The following CTNNAL1 variants were observed in gnomAD, a reference collection of about 807,000 sequenced individuals.
CTNNAL1 encodes alpha-catulin.
A neutral mutation model predicts 93.6 loss-of-function variants in CTNNAL1; 69 were observed. The observed-to-expected ratio is 0.74, with a 90% CI of 0.61 to 0.90. The LOEUF (loss-of-function observed/expected upper bound fraction) is 0.90, where lower values mean the gene tolerates loss of function less well. Among genes scored for constraint, CTNNAL1 ranks in the 40% least tolerant of loss-of-function variants. CTNNAL1 has a pLI of 0.00. For synonymous variants in CTNNAL1, 286 were observed against 305.4 expected (o/e 0.94, Z 0.66); for missense variants, 836 against 862.0 (o/e 0.97, Z 0.38).
At chr9:109,013,262 G>GCGGGAAGGAGAAGAGGGGCCGCGC (rs2132232882) in intron 1 of CTNNAL1, 40 bp downstream of exon 1, 1 of 1,439,736 alleles carries the variant, frequency 6.9e-7, no homozygotes, top group South Asian at 1.4e-5. Context: ...GCGGGCCGCG[G>GCGGGAAGGAGAAGAGGGGCCGCGC]CGGGAAGGAG....
intron 11 of CTNNAL1, among the ~76,000 whole-genome samples, chr9:108,961,923 G>T (rs2132112873): frequency 6.6e-6 from 1 of 152,254 alleles, no homozygotes; most frequent in Non-Finnish European, 1.5e-5. Flanking sequence ...TTCTGAAATA[G>T]CTTTGGGAGG....
intron 1 of CTNNAL1, among the ~76,000 whole-genome samples, chr9:109,003,500 T>TA (rs1264390967): frequency 1.3e-5 from 2 of 151,972 alleles, no homozygotes; most frequent in African/African-American, 4.8e-5. Flanking sequence ...AATAATGACT[T>TA]AGAGGGCAGA....
chr9:108,970,340 A>G (rs113352146), intron 10 of CTNNAL1, 62 bp downstream of exon 10: 1 of 1,443,722 alleles, frequency 6.9e-7, no homozygotes, highest in African/African-American at 1.5e-5. Flanking sequence ...TTCCATCCAC[A>G]CAACTTGTTA....
intron 2 of CTNNAL1, 95 bp downstream of exon 2, chr9:108,998,972 C>T (rs950763755): frequency 1.2e-5 from 17 of 1,369,096 alleles, no homozygotes; most frequent in East Asian, 2.4e-5. Context: ...AATCAAAGAG[C>T]TGTATATCTT....
At chr9:108,994,095 GGT>G (rs1273375616) in intron 2 of CTNNAL1, among the ~76,000 whole-genome samples, 1 of 152,154 alleles carries the variant, frequency 6.6e-6, no homozygotes, top group Non-Finnish European at 1.5e-5. Flanking sequence ...AGCCAGGTGT[GGT>G]GGCAGGGGCC....
At chr9:108,972,871 G>T in intron 8 of CTNNAL1, 38 bp from the exon 9 acceptor site, 1 of 1,454,898 alleles carries the variant, frequency 6.9e-7, no homozygotes, top group South Asian at 1.4e-5. Flanking sequence ...TGGGAGGGTG[G>T]AGAAGGAGAA....
At position 108,999,271 on chromosome 9, in the gene CTNNAL1, TA is replaced by T; in HGVS notation, c.142-16del. The stretch of plus-strand genomic sequence containing the variant: ...AGCGTGGTGATCTAAAAATAAAAGA[TA>T]AAAGCAACTTTTATCTCAATACCTT... On this transcript the variant is annotated splice_polypyrimidine_tract_variant and intron_variant, in intron 1 of 18. Transcript: ENST00000325551. The T allele has an allele frequency of 6.4e-7, 1 of 1,572,788 alleles. No homozygotes were observed. The highest frequency in any genetic ancestry group is 8.6e-7 in the Non-Finnish European group (1 of 1,165,998).
chr9:108,998,359 C>T (rs943410859), intron 2 of CTNNAL1, among the ~76,000 whole-genome samples: 1 of 151,920 alleles, frequency 6.6e-6, no homozygotes, highest in African/African-American at 2.4e-5. Flanking sequence ...TAAAACAGCA[C>T]CTTCATTGTT....
At chr9:108,950,644 G>A in intron 14 of CTNNAL1, 1 of 1,541,264 alleles carries the variant, frequency 6.5e-7, no homozygotes, top group Non-Finnish European at 8.7e-7. Context: ...CCTCACTTCT[G>A]TCTGCTGCCT....
chr9:108,970,123 A>T (rs1009854688), intron 10 of CTNNAL1, among the ~76,000 whole-genome samples: 1 of 152,238 alleles, frequency 6.6e-6, no homozygotes. Context: ...CTTAATCTCC[A>T]AACATGTTAT....
At chr9:108,958,733 C>CA (rs1554708138) in intron 11 of CTNNAL1, among the ~76,000 whole-genome samples, 4 of 147,968 alleles carry the variant, frequency 2.7e-5, no homozygotes, top group African/African-American at 9.9e-5. Context: ...TTTCCCACTT[C>CA]TTTTTTTTTT....
chr9:108,952,213 T>G lies in CTNNAL1; in HGVS notation c.1831A>C (p.Thr611Pro). 6.2e-7 allele frequency: 1 copy of G among 1,606,698 alleles called. No homozygotes were observed. The change falls in exon 14 of 19, where the codon ACT (threonine) becomes CCT (proline). Residue 611 changes from threonine to proline, a missense_variant. Coordinates refer to ENST00000325551, the MANE Select transcript of CTNNAL1 (RefSeq NM_003798.4). ...SSMAYSLYLF[T>P]RGEGPLKTSQ... ...TAAAAATACAACTACATTTACCTAG[T>G]AAATAAATACAGAGAATAGGCCATA...
intron 2 of CTNNAL1, among the ~76,000 whole-genome samples, chr9:108,996,061 C>A (rs1832005371): frequency 6.6e-6 from 1 of 151,770 alleles, no homozygotes; most frequent in South Asian, 2.1e-4. Flanking sequence ...TCCTTGGGCT[C>A]AAAAAATCCT....
At chr9:108,967,748 T>C (rs1038857126) in intron 10 of CTNNAL1, among the ~76,000 whole-genome samples, 1 of 152,080 alleles carries the variant, frequency 6.6e-6, no homozygotes, top group African/African-American at 2.4e-5. Context: ...GAACAGCAAG[T>C]AAGCCAGAGG....
intron 14 of CTNNAL1, chr9:108,950,376 G>T: frequency 9.8e-7 from 1 of 1,016,890 alleles, no homozygotes; most frequent in Non-Finnish European, 1.4e-6. Context: ...GCTAACAACA[G>T]TTAAGAACAA....
At chr9:109,001,369 A>G (rs1365558488) in intron 1 of CTNNAL1, among the ~76,000 whole-genome samples, 1 of 152,100 alleles carries the variant, frequency 6.6e-6, no homozygotes, top group Non-Finnish European at 1.5e-5. Context: ...AAAGTGATAT[A>G]ATCTCTGTAG....
At chr9:108,966,423 G>A (rs751029980) in intron 10 of CTNNAL1, among the ~76,000 whole-genome samples, 6 of 152,164 alleles carry the variant, frequency 3.9e-5, no homozygotes, top group Non-Finnish European at 5.9e-5. Flanking sequence ...ATATGGCCAC[G>A]AGACTGAGTT....
intron 6 of CTNNAL1, among the ~76,000 whole-genome samples, chr9:108,981,879 C>T (rs143307729): frequency 6.6e-6 from 1 of 152,084 alleles, no homozygotes; most frequent in Non-Finnish European, 1.5e-5. Flanking sequence ...GAGCCAAGAT[C>T]GTGCCACCAC....
In CTNNAL1 at chr9:108,999,343, C is replaced by T. The variant is rs1392495320; in HGVS notation, c.142-87G>A. On this transcript the variant is annotated intron_variant, in intron 1 of 18. Transcript: ENST00000325551. ...CAAAGTCAAAGAAAATGAAGCCTGG[C>T]ATACTGTATAGCTCAATAGACTAAA... 3.0e-6 allele frequency: 4 copies of T among 1,323,098 alleles called. No individual in the cohort carries two copies. In the African/African-American group the frequency reaches 5.9e-5, roughly 20 times the overall value. 82.0% of individuals were successfully genotyped at this position (1,323,098 alleles called of 1,614,324 possible).
Sources: gnomAD v4.1 joint callset for allele counts (sites outside exome capture counted in the v4.1 genomes callset) on GRCh38, gnomAD v4.1.1 for gene constraint, MANE v1.5 for transcripts, NCBI Gene and HGNC (gene_info 2026-07-23, HGNC 2026-07-21) for gene names.